PHTF2: variants seen among roughly 807,000 people sequenced by gnomAD.
The protein encoded by PHTF2 is putative homeodomain transcription factor 2.
A neutral mutation model predicts 101.2 loss-of-function variants in PHTF2; 60 were observed. The ratio of observed to expected loss-of-function variants is 0.59; its 90% CI spans 0.48 to 0.73. PHTF2 has a LOEUF of 0.73. Among genes scored for constraint, PHTF2 ranks in the 30% least tolerant of loss-of-function variants. PHTF2 has a pLI of 0.00. For synonymous variants in PHTF2, 311 were observed against 307.3 expected, an observed-to-expected ratio of 1.01 and a Z score of -0.13; for missense variants, 747 against 908.7, an observed-to-expected ratio of 0.82 and a Z score of 2.29.
chr7:77,889,764 T>TTGTG (rs1473493277), intron 3 of PHTF2, among the ~76,000 whole-genome samples: 1 of 151,668 alleles, frequency 6.6e-6, no homozygotes, highest in Non-Finnish European at 1.5e-5. Context: ...CTAATTTTTT[T>TTGTG]TGTGTGTGTG....
chr7:77,865,327 G>A (rs1216756205), intron 3 of PHTF2, among the ~76,000 whole-genome samples: 1 of 151,980 alleles, frequency 6.6e-6, no homozygotes, highest in African/African-American at 2.4e-5. Context: ...CCGGGTTCAA[G>A]CGATTCTCCT....
intron 3 of PHTF2, among the ~76,000 whole-genome samples, chr7:77,890,904 C>CTTTTT (rs11442975): frequency 2.2e-5 from 2 of 92,958 alleles, no homozygotes; most frequent in African/African-American, 4.9e-5. Context: ...CGCACCCGGC[C>CTTTTT]TTTTTTTTTT....
intron 12 of PHTF2, among the ~76,000 whole-genome samples, chr7:77,932,079 C>T (rs13229923): frequency 0.16 from 24,402 of 151,852 alleles, 2,212 homozygotes; most frequent in African/African-American, 0.24. Context: ...CCAGCCTGAG[C>T]GACAGAGCGG....
intron 1 of PHTF2, among the ~76,000 whole-genome samples, chr7:77,799,772 GCCTTATACTAACCT>G (rs1247113877): frequency 2.6e-5 from 4 of 152,180 alleles, no homozygotes; most frequent in African/African-American, 9.7e-5. Flanking sequence ...ACAAGGAACT[GCCTTATACTAACCT>G]GGGCAGTGCA....
intron 1 of PHTF2, among the ~76,000 whole-genome samples, chr7:77,831,799 TC>T (rs141301849): frequency 0.021 from 3,152 of 152,278 alleles, 90 homozygotes; most frequent in African/African-American, 0.071. Context: ...CACTGTGTCA[TC>T]CGTAGAGAAA....
In PHTF2 at chr7:77,925,839, C is replaced by T. The variant is rs376162041; in HGVS notation, c.1119+3061C>T. 3.3e-5 allele frequency among the ~76,000 whole-genome samples: 5 copies of T among 152,026 alleles called. No homozygotes were observed. In the South Asian group the frequency reaches 1.0e-3, roughly 32 times the overall value. On this transcript the variant is annotated intron_variant, in intron 11 of 19. Coordinates refer to ENST00000416283, the Ensembl canonical transcript of PHTF2. ...TTGGGAGGCTGAGGCGGGCAGATCA[C>T]GAGGTCAAGAGATCAAGACCATCCT...
chr7:77,885,073 C>CT (rs1444302828), intron 3 of PHTF2, among the ~76,000 whole-genome samples: 1 of 152,000 alleles, frequency 6.6e-6, no homozygotes, highest in Non-Finnish European at 1.5e-5. Context: ...TGTGCATCTA[C>CT]TTTTTTTAAA....
chr7:77,829,740 A>G (rs973688107), intron 1 of PHTF2, among the ~76,000 whole-genome samples: 1 of 152,208 alleles, frequency 6.6e-6, no homozygotes, highest in Non-Finnish European at 1.5e-5. Context: ...GGTGAAGGCA[A>G]CTGAGTTATA....
chr7:77,945,011 G>C lies in PHTF2; in HGVS notation c.1959+2225G>C, dbSNP rs550448833. Among the ~76,000 whole-genome samples the C allele has an allele frequency of 2.0e-5, 3 of 152,344 alleles. No homozygotes were observed. The East Asian group carries it at 5.8e-4, about 29-fold the overall frequency. On this transcript the variant is annotated intron_variant, in intron 16 of 19. Transcript: ENST00000416283. ...ACAGAAAATGCAAAATGGATATTTAGACATCGTGGGAGATCCAACATAGGT... is the reference window on the plus strand; with the variant it reads ...ACAGAAAATGCAAAATGGATATTTACACATCGTGGGAGATCCAACATAGGT...
intron 9 of PHTF2, among the ~76,000 whole-genome samples, chr7:77,916,834 T>C (rs1802973834): frequency 6.6e-6 from 1 of 152,122 alleles, no homozygotes; most frequent in Non-Finnish European, 1.5e-5. Flanking sequence ...ACAAGAAAAA[T>C]ACGTCTGTAC....
chr7:77,854,919 C>A (rs1797056172), intron 3 of PHTF2: 2 of 651,382 alleles, frequency 3.1e-6, no homozygotes, highest in South Asian at 3.3e-5. Flanking sequence ...CTGACCAGGA[C>A]CCAAGGCCTG....
chr7:77,890,599 CTTTTTTTTT>C (rs747882978), intron 3 of PHTF2, among the ~76,000 whole-genome samples: 10 of 84,208 alleles, frequency 1.2e-4, no homozygotes, highest in Non-Finnish European at 2.2e-4. Flanking sequence ...AATAGTTACA[CTTTTTTTTT>C]TTTTTTTTTT....
chr7:77,843,732 A>G (rs559530278), intron 2 of PHTF2, among the ~76,000 whole-genome samples: 3 of 152,344 alleles, frequency 2.0e-5, no homozygotes, highest in Admixed American at 2.0e-4. Context: ...CCTCTTTTCA[A>G]TCATGGACCC....
At chr7:77,956,592 T>C (rs1400117993) in exon 20 of PHTF2, 1 of 152,660 alleles carries the variant, frequency 6.6e-6, no homozygotes, top group East Asian at 1.9e-4. Context: ...TTAGGCTTTG[T>C]CTGATGTTTT....
intron 9 of PHTF2, among the ~76,000 whole-genome samples, chr7:77,915,981 G>C (rs998401893): frequency 6.1e-5 from 8 of 131,276 alleles, no homozygotes; most frequent in African/African-American, 2.9e-4. Context: ...TTGTGTGTCT[G>C]TGTGTGTGTG....
chr7:77,951,603 T>G lies in PHTF2; in HGVS notation c.2116-14T>G. 9.2e-7 allele frequency: 1 copy of G among 1,086,384 alleles called. No homozygotes were observed. Among genetic ancestry groups the G allele is most frequent in the Non-Finnish European group, 1.3e-6 (1 of 750,144 alleles). The allele number at this position is 1,086,384 out of a possible 1,614,324, so 67.3% of individuals were successfully genotyped here. A position where few individuals can be genotyped will look rare whatever the true frequency, so the allele number is the denominator to read the frequency against. On this transcript the variant is annotated splice_polypyrimidine_tract_variant and intron_variant, in intron 17 of 19. Coordinates refer to ENST00000416283, the Ensembl canonical transcript of PHTF2. ...TTATTATAATTTGAAGCATTTCTAT[T>G]CTTTTTATAAAAGATAAACCTCTAC...
exon 15 of PHTF2, chr7:77,940,626 A>G: frequency 1.2e-6 from 2 of 1,606,932 alleles, no homozygotes; most frequent in Non-Finnish European, 1.7e-6. Flanking sequence ...TACAGAATAT[A>G]AAAATGTGGC....
intron 3 of PHTF2, among the ~76,000 whole-genome samples, chr7:77,892,717 G>A (rs1487142602): frequency 1.3e-5 from 2 of 152,162 alleles, no homozygotes; most frequent in African/African-American, 4.8e-5. Flanking sequence ...AATAACTTGG[G>A]TGGGAACAAT....
At chr7:77,910,900 C>G (rs1802329957) in intron 9 of PHTF2, among the ~76,000 whole-genome samples, 1 of 152,158 alleles carries the variant, frequency 6.6e-6, no homozygotes, top group Non-Finnish European at 1.5e-5. Context: ...AGCCACCGAA[C>G]CCGGCCAGGA....
Sources: gnomAD v4.1 joint callset for allele counts (sites outside exome capture counted in the v4.1 genomes callset) on GRCh38, gnomAD v4.1.1 for gene constraint, MANE v1.5 for transcripts, NCBI Gene and HGNC (gene_info 2026-07-23, HGNC 2026-07-21) for gene names.